The following ABCB10 variants were observed in gnomAD, a reference collection of about 807,000 sequenced individuals.
ABCB10 encodes ATP binding cassette subfamily B member 10.
In ABCB10, 54 loss-of-function variants were observed where a neutral mutation model predicts 65.4. That is an observed-to-expected ratio of 0.83 (90% CI 0.66 to 1.04). ABCB10 has a LOEUF of 1.04. Ranked by LOEUF, ABCB10 falls within the 50% of genes least tolerant of loss-of-function variation. The probability of loss-of-function intolerance (pLI) is 0.00; values close to 1 mark genes in which losing one functional copy is unlikely to be tolerated. For synonymous variants in ABCB10, 418 were observed against 406.5 expected (o/e 1.03, Z -0.34); for missense variants, 846 against 976.6 (o/e 0.87, Z 1.78).
chr1:229,544,321 G>A (rs561226901), intron 3 of ABCB10, among the ~76,000 whole-genome samples: 5 of 151,264 alleles, frequency 3.3e-5, no homozygotes, highest in South Asian at 2.1e-4. Context: ...GGAGGCTGAC[G>A]TGGGAGGATC....
At chr1:229,526,460 T>C (rs1039434593) in intron 9 of ABCB10, among the ~76,000 whole-genome samples, 3 of 152,186 alleles carry the variant, frequency 2.0e-5, no homozygotes, top group African/African-American at 7.2e-5. Flanking sequence ...ACAAACCACA[T>C]GGGAACAAAC....
intron 10 of ABCB10, among the ~76,000 whole-genome samples, chr1:229,522,653 G>A (rs1306578331): frequency 6.6e-6 from 1 of 152,172 alleles, no homozygotes; most frequent in Non-Finnish European, 1.5e-5. Flanking sequence ...AGTGCAAGGG[G>A]TATGCTCTTA....
At chr1:229,530,727 A>G (rs751326204) in intron 7 of ABCB10, among the ~76,000 whole-genome samples, 2 of 152,210 alleles carry the variant, frequency 1.3e-5, no homozygotes, top group Non-Finnish European at 2.9e-5. Flanking sequence ...TTAAGCTAAC[A>G]AGTAGTGGAG....
At position 229,520,076 on chromosome 1, in the gene ABCB10, A is replaced by G. The variant is rs551062560; in HGVS notation, c.1951-1201T>C. On this transcript the variant is annotated intron_variant, in intron 11 of 12. Coordinates refer to ENST00000344517, the MANE Select transcript of ABCB10 (RefSeq NM_012089.3). ...TGAAGCCCAGGAGGTCAAGGCTACA[A>G]GTGAGCCATGATCACACCACTGCAC... Among the ~76,000 whole-genome samples the G allele has an allele frequency of 2.6e-4, 23 of 88,528 alleles. No homozygotes were observed. The South Asian group carries it at 6.8e-3, about 26-fold the overall frequency. 58.1% of individuals were successfully genotyped at this position (88,528 alleles called of 152,430 possible). A position where few individuals can be genotyped will look rare whatever the true frequency, so the allele number is the denominator to read the frequency against.
intron 6 of ABCB10, among the ~76,000 whole-genome samples, chr1:229,532,077 C>T (rs773415408): frequency 1.3e-5 from 2 of 151,856 alleles, no homozygotes; most frequent in South Asian, 2.1e-4. Flanking sequence ...CTTAGCCTCC[C>T]GAGTAGCTGG....
In ABCB10 at chr1:229,531,507, C is replaced by T. The variant is rs535156359; in HGVS notation, c.1435+129G>A. On this transcript the variant is annotated intron_variant, in intron 7 of 12. Transcript: ENST00000344517. ...AACCTGACCACCTCCTCACCCGGCC[C>T]GCCATGCAGCAGGAGCCACATCCTT... The T allele has an allele frequency of 5.3e-4, 480 of 903,026 alleles. 4 individuals carry two copies. The highest frequency in any genetic ancestry group is 4.6e-3 in the South Asian group (286 of 61,820). 55.9% of individuals were successfully genotyped at this position (903,026 alleles called of 1,614,324 possible).
intron 4 of ABCB10, 46 bp downstream of exon 4, chr1:229,542,191 T>G: frequency 1.9e-6 from 3 of 1,603,196 alleles, no homozygotes; most frequent in Non-Finnish European, 2.6e-6. Context: ...ATCCTGGCTA[T>G]GACCCCATTC....
chr1:229,527,195 A>G, intron 9 of ABCB10, 34 bp downstream of exon 9: 1 of 1,561,326 alleles, frequency 6.4e-7, no homozygotes, highest in Non-Finnish European at 8.7e-7. Context: ...ATTTTAAAAG[A>G]AAGTGAAATA....
chr1:229,556,518 A>C (rs1156510408), intron 1 of ABCB10, among the ~76,000 whole-genome samples: 1 of 152,170 alleles, frequency 6.6e-6, no homozygotes, highest in East Asian at 1.9e-4. Context: ...CAGAAAAACA[A>C]AAGAAGAAAG....
intron 8 of ABCB10, among the ~76,000 whole-genome samples, chr1:229,528,079 G>A (rs1421998839): frequency 1.3e-5 from 2 of 152,122 alleles, no homozygotes; most frequent in Non-Finnish European, 2.9e-5. Context: ...TGACAACAGT[G>A]ACAGCATAAG....
chr1:229,557,681 T>TTGG (rs1210899992), intron 1 of ABCB10, among the ~76,000 whole-genome samples: 5 of 152,178 alleles, frequency 3.3e-5, no homozygotes, highest in African/African-American at 1.2e-4. Flanking sequence ...TGTGAAAGCA[T>TTGG]TGGTGACTGC....
At chr1:229,555,222 T>C (rs1378505460) in intron 1 of ABCB10, among the ~76,000 whole-genome samples, 1 of 152,200 alleles carries the variant, frequency 6.6e-6, no homozygotes, top group Non-Finnish European at 1.5e-5. Context: ...ACCCTGCCCC[T>C]AACTCACTCA....
Position 229,518,354 on chromosome 1 carries a change from T to C in ABCB10, c.2042A>G (p.Asp681Gly), listed in dbSNP as rs770623136. ...LVQEALDRLM[D>G]GRTVLVIAHR... is the part of the protein sequence containing the mutation. Reference sequence around the variant, plus strand: ...GGCAATAACTAACACCGTTCTTCCATCCATCAGTCGATCTAGAGCTTCTTG... The same window carrying C: ...GGCAATAACTAACACCGTTCTTCCACCCATCAGTCGATCTAGAGCTTCTTG... The change falls in exon 13 of 13, where the codon GAT (aspartate) becomes GGT (glycine). Residue 681 changes from aspartate to glycine, a missense_variant. Transcript: ENST00000344517. The C allele has an allele frequency of 8.7e-6, 14 of 1,614,214 alleles. No individual in the cohort carries two copies. Among genetic ancestry groups the C allele is most frequent in the Non-Finnish European group, 1.1e-5 (13 of 1,180,034 alleles).
intron 3 of ABCB10, among the ~76,000 whole-genome samples, chr1:229,544,172 G>A (rs773132331): frequency 6.6e-6 from 1 of 152,088 alleles, no homozygotes; most frequent in African/African-American, 2.4e-5. Context: ...CTAGCATTTC[G>A]GGAGGCTGAG....
At chr1:229,521,785 G>T in intron 10 of ABCB10, 150 bp from the exon 11 acceptor site, 1 of 679,444 alleles carries the variant, frequency 1.5e-6, no homozygotes, top group Non-Finnish European at 2.4e-6. Context: ...TTAAAATATA[G>T]GTTTAAAATA....
intron 4 of ABCB10, among the ~76,000 whole-genome samples, chr1:229,541,118 C>A (rs866884839): frequency 6.6e-6 from 1 of 152,172 alleles, no homozygotes; most frequent in Non-Finnish European, 1.5e-5. Context: ...AATGTTAATT[C>A]GAAAAGACAG....
intron 4 of ABCB10, among the ~76,000 whole-genome samples, chr1:229,541,935 C>T (rs1662856973): frequency 6.8e-6 from 1 of 146,264 alleles, no homozygotes; most frequent in African/African-American, 2.6e-5. Context: ...AAAAACTTTT[C>T]TCATGTACCT....
At chr1:229,553,158 C>T (rs973046282) in intron 1 of ABCB10, among the ~76,000 whole-genome samples, 8 of 151,782 alleles carry the variant, frequency 5.3e-5, no homozygotes, top group African/African-American at 1.7e-4. Context: ...CCTCTTGTTG[C>T]CCAGTGCAAT....
At chr1:229,529,179 G>C (rs1662512292) in intron 8 of ABCB10, among the ~76,000 whole-genome samples, 2 of 150,390 alleles carry the variant, frequency 1.3e-5, no homozygotes, top group Non-Finnish European at 3.0e-5. Context: ...TGTGGTCCCA[G>C]CTACTCGGGA....
Sources: gnomAD v4.1 joint callset for allele counts (sites outside exome capture counted in the v4.1 genomes callset) on GRCh38, gnomAD v4.1.1 for gene constraint, MANE v1.5 for transcripts, NCBI Gene and HGNC (gene_info 2026-07-23, HGNC 2026-07-21) for gene names.